Variants in MED9 observed in about 807,000 individuals in gnomAD.
MED9 encodes mediator of RNA polymerase II transcription subunit 9.
A neutral mutation model predicts 13.2 loss-of-function variants in MED9; 8 were observed. The observed-to-expected ratio is 0.61, with a 90% CI of 0.36 to 1.10. MED9 has a LOEUF of 1.10. Ranked by LOEUF, MED9 falls within the 50% of genes least tolerant of loss-of-function variation. The pLI is 0.02. For synonymous variants in MED9, 87 were observed against 82.8 expected, an observed-to-expected ratio of 1.05 and a Z score of -0.28; for missense variants, 180 against 193.4, an observed-to-expected ratio of 0.93 and a Z score of 0.41.
At chr17:17,480,518 G>A (rs73978927) in intron 1 of MED9, among the ~76,000 whole-genome samples, 2,558 of 152,260 alleles carry the variant, frequency 0.017, 72 homozygotes, top group African/African-American at 0.058. Flanking sequence ...CAGGCGCGGT[G>A]CCTCATGTCT....
At position 17,477,119 on chromosome 17, in the gene MED9, C is replaced by T. The variant is rs753103296; in HGVS notation, c.78C>T (p.Asp26=). The change falls in exon 1 of 2, where the codon GAC becomes GAT. Residue 26 remains aspartate (D), a synonymous_variant. Transcript: ENST00000268711. The part of the protein sequence containing the change: ...LPPTSDQPLP[D]TKPLPPPQPP... ...CAACGTCCGACCAGCCGCTGCCTGA[C>T]ACCAAGCCGCTGCCGCCTCCTCAGC... is the stretch of plus-strand genomic sequence containing the variant. 1 of 1,606,382 alleles carries T rather than the reference C, an allele frequency of 6.2e-7. No homozygotes were observed. Among genetic ancestry groups the T allele is most frequent in the African/African-American group, 1.3e-5 (1 of 74,908 alleles).
rs1467096473 is a variant in MED9 at position 17,491,821 on chromosome 17, C to A, written c.*326C>A. ...TCTGGGGAGGGGGCCATCTGCTGCG[C>A]CCGGCCCCACTGACAGATCTGAAGA... On this transcript the variant is annotated 3_prime_UTR_variant, in exon 2 of 2. Transcript: ENST00000268711. The A allele has an allele frequency of 1.1e-5, 4 of 372,778 alleles. No homozygotes were observed. Among genetic ancestry groups the A allele is most frequent in the Non-Finnish European group, 2.0e-5 (4 of 195,124 alleles). The allele number at this position is 372,778 out of a possible 1,614,324, so 23.1% of individuals were successfully genotyped here. A position where few individuals can be genotyped will look rare whatever the true frequency, so the allele number is the denominator to read the frequency against.
At chr17:17,487,358 A>G (rs531684781) in intron 1 of MED9, 1 of 153,746 alleles carries the variant, frequency 6.5e-6, no homozygotes, top group African/African-American at 2.4e-5. Flanking sequence ...CACTCTTTGC[A>G]ATAAATCTTG....
At position 17,477,053 on chromosome 17, in the gene MED9, TG is replaced by T; in HGVS notation, c.16del (p.Val6TrpfsTer82). MASA[G>X]VAAGRQAEDV... is the part of the protein sequence containing the mutation. ...CTACCCCCGGAGCCATGGCCTCTGC[TG>T]GGGTGGCAGCCGGGCGACAGGCGGA... On this transcript the variant is annotated frameshift_variant, in exon 1 of 2. Coordinates refer to ENST00000268711, the MANE Select transcript of MED9 (RefSeq NM_018019.3). LOFTEE classifies it high-confidence loss of function. 6.2e-7 allele frequency: 1 copy of T among 1,606,402 alleles called. No individual in the cohort carries two copies.
chr17:17,477,233 C>T lies in MED9; in HGVS notation c.192C>T (p.Ser64=). 6.2e-7 allele frequency: 1 copy of T among 1,606,834 alleles called. No homozygotes were observed. Among genetic ancestry groups the T allele is most frequent in the Non-Finnish European group, 8.5e-7 (1 of 1,175,682 alleles). ...GCGCGAGGGAGGAAGAGAACTACTC[C>T]TTTTTACCTTTGGTTCACAACATCA... is the stretch of plus-strand genomic sequence containing the variant. ...PARAREEENY[S]FLPLVHNIIK... The change falls in exon 1 of 2, where the codon TCC becomes TCT. Residue 64 remains serine (S), a synonymous_variant. Transcript: ENST00000268711.
chr17:17,491,608 G>A lies in MED9; in HGVS notation c.*113G>A. On this transcript the variant is annotated 3_prime_UTR_variant, in exon 2 of 2. Transcript: ENST00000268711. ...TGTGGACCCCAGCTCAGCTCGTCAAGCTGCAGGGGCGGGGCTCCTGTGCTG... is the reference window on the plus strand; with the variant it reads ...TGTGGACCCCAGCTCAGCTCGTCAAACTGCAGGGGCGGGGCTCCTGTGCTG... 1 of 1,043,390 alleles carries A rather than the reference G, an allele frequency of 9.6e-7. No homozygotes were observed. The highest frequency in any genetic ancestry group is 1.4e-6 in the Non-Finnish European group (1 of 706,820). 64.6% of individuals were successfully genotyped at this position (1,043,390 alleles called of 1,614,324 possible).
chr17:17,481,960 C>T (rs1905039990), intron 1 of MED9, among the ~76,000 whole-genome samples: 1 of 152,136 alleles, frequency 6.6e-6, no homozygotes, highest in African/African-American at 2.4e-5. Context: ...ATAAATCTGC[C>T]ACCCAGAAAG....
intron 1 of MED9, among the ~76,000 whole-genome samples, chr17:17,489,050 G>C (rs1905187084): frequency 6.6e-6 from 1 of 152,078 alleles, no homozygotes; most frequent in African/African-American, 2.4e-5. Context: ...TTTTCTTTTG[G>C]CTTGAATATT....
rs547623164 is a variant in MED9, at chr17:17,481,267, A to G, written c.224+4002A>G. On this transcript the variant is annotated intron_variant, in intron 1 of 1. Coordinates refer to ENST00000268711, the MANE Select transcript of MED9 (RefSeq NM_018019.3). Reference sequence around the variant, plus strand: ...CTGGCCCTGGGTCCCTTCCTTTCCTATAACTTCCCCAATGATCCTTTTATT... The same window carrying G: ...CTGGCCCTGGGTCCCTTCCTTTCCTGTAACTTCCCCAATGATCCTTTTATT... Among the ~76,000 whole-genome samples the G allele has an allele frequency of 2.6e-5, 4 of 152,338 alleles. No homozygotes were observed. The East Asian group carries it at 5.8e-4, about 22-fold the overall frequency.
At chr17:17,486,852 G>A (rs1049497660) in intron 1 of MED9, 1 of 152,414 alleles carries the variant, frequency 6.6e-6, no homozygotes, top group Non-Finnish European at 1.5e-5. Context: ...TTTATGTCTA[G>A]CTCAGGGATT....
intron 1 of MED9, chr17:17,485,413 C>CA: frequency 2.5e-6 from 1 of 397,934 alleles, no homozygotes; most frequent in Non-Finnish European, 4.4e-6. Context: ...TAGTGACCTG[C>CA]TCAGACTTGG....
intron 1 of MED9, among the ~76,000 whole-genome samples, chr17:17,489,144 C>G (rs956947810): frequency 6.6e-6 from 1 of 152,238 alleles, no homozygotes; most frequent in Admixed American, 6.5e-5. Context: ...TTTACCTCCA[C>G]CAACTAGGGC....
chr17:17,478,702 C>T (rs894648710), intron 1 of MED9, among the ~76,000 whole-genome samples: 16 of 152,000 alleles, frequency 1.1e-4, no homozygotes, highest in African/African-American at 3.9e-4. Flanking sequence ...ACTAAAAACA[C>T]AAAAATTAGC....
Position 17,491,607 on chromosome 17 carries a change from A to T in MED9, c.*112A>T. The T allele has an allele frequency of 9.5e-7, 1 of 1,054,998 alleles. No homozygotes were observed. The highest frequency in any genetic ancestry group is 1.4e-6 in the Non-Finnish European group (1 of 715,072). The allele number at this position is 1,054,998 out of a possible 1,614,324, so 65.4% of individuals were successfully genotyped here. On this transcript the variant is annotated 3_prime_UTR_variant, in exon 2 of 2. Coordinates refer to ENST00000268711, the MANE Select transcript of MED9 (RefSeq NM_018019.3). ...CTGTGGACCCCAGCTCAGCTCGTCAAGCTGCAGGGGCGGGGCTCCTGTGCT... is the reference window on the plus strand; with the variant it reads ...CTGTGGACCCCAGCTCAGCTCGTCATGCTGCAGGGGCGGGGCTCCTGTGCT...
At chr17:17,485,147 G>A (rs1272029750) in intron 1 of MED9, 1 of 340,392 alleles carries the variant, frequency 2.9e-6, no homozygotes, top group East Asian at 4.2e-5. Context: ...CCAAGTAGCT[G>A]GGACTACAGG....
chr17:17,490,794 A>G (rs1364558159), intron 1 of MED9, among the ~76,000 whole-genome samples: 1 of 152,262 alleles, frequency 6.6e-6, no homozygotes, highest in East Asian at 1.9e-4. Context: ...ATTGGCCTAG[A>G]AATGGCTCCA....
At chr17:17,480,838 G>C (rs1905021706) in intron 1 of MED9, among the ~76,000 whole-genome samples, 1 of 152,150 alleles carries the variant, frequency 6.6e-6, no homozygotes, top group African/African-American at 2.4e-5. Flanking sequence ...GTGTCTTTGA[G>C]TTTATAGGCA....
At chr17:17,482,755 G>GT (rs1476814902) in intron 1 of MED9, among the ~76,000 whole-genome samples, 6 of 152,116 alleles carry the variant, frequency 3.9e-5, no homozygotes, top group African/African-American at 7.2e-5. Context: ...TTTTTTACTT[G>GT]TAATTCTTTG....
At position 17,477,066 on chromosome 17, in the gene MED9, G is replaced by C. The variant is rs772157703; in HGVS notation, c.25G>C (p.Gly9Arg). The change falls in exon 1 of 2, where the codon GGG becomes CGG. Residue 9 changes from glycine to arginine, a missense_variant. Gly to Arg is a moderately radical substitution (Grantham distance 125, BLOSUM62 -2). Transcript: ENST00000268711. The stretch of plus-strand genomic sequence containing the variant: ...CATGGCCTCTGCTGGGGTGGCAGCC[G>C]GGCGACAGGCGGAGGATGTATTGCC... MASAGVAA[G>R]RQAEDVLPPT... The C allele has an allele frequency of 6.2e-7, 1 of 1,606,588 alleles. No individual in the cohort carries two copies. The highest frequency in any genetic ancestry group is 8.5e-7 in the Non-Finnish European group (1 of 1,179,676).
Sources: allele counts gnomAD v4.1 joint callset (sites outside exome capture counted in the v4.1 genomes callset), GRCh38; gene constraint gnomAD v4.1.1; transcripts MANE v1.5; gene names NCBI Gene and HGNC (gene_info 2026-07-23, HGNC 2026-07-21).